Variants in REEP3 observed in about 807,000 individuals in gnomAD.
The protein encoded by REEP3 is receptor accessory protein 3, also known as receptor expression-enhancing protein 3.
In REEP3, 20 loss-of-function variants were observed where a neutral mutation model predicts 41.3. The observed-to-expected ratio is 0.48, with a 90% CI of 0.34 to 0.70. The LOEUF (loss-of-function observed/expected upper bound fraction) is 0.70. REEP3 is among the 30% of genes least tolerant of loss of function. The probability of loss-of-function intolerance (pLI) is 0.01; values close to 1 mark genes in which losing one functional copy is unlikely to be tolerated. For synonymous variants in REEP3, 104 were observed against 101.8 expected (o/e 1.02, Z -0.13); for missense variants, 271 against 308.8 (o/e 0.88, Z 0.92).
chr10:63,579,352 C>A (rs1405867987), intron 2 of REEP3, among the ~76,000 whole-genome samples: 1 of 152,124 alleles, frequency 6.6e-6, no homozygotes, highest in Non-Finnish European at 1.5e-5. Context: ...TTTCTAAAAA[C>A]AATTTCTGAT....
At chr10:63,588,650 G>C (rs926227659) in intron 2 of REEP3, among the ~76,000 whole-genome samples, 3 of 152,166 alleles carry the variant, frequency 2.0e-5, no homozygotes, top group African/African-American at 7.2e-5. Context: ...CAAAATAAAA[G>C]TCTTTGTCAT....
At chr10:63,544,028 T>C (rs2133353849) in intron 1 of REEP3, among the ~76,000 whole-genome samples, 1 of 152,332 alleles carries the variant, frequency 6.6e-6, no homozygotes, top group Admixed American at 6.5e-5. Context: ...AAAGGGTTCC[T>C]CACCTAGAGG....
intron 6 of REEP3, among the ~76,000 whole-genome samples, chr10:63,617,113 T>C (rs1956317899): frequency 6.6e-6 from 1 of 152,112 alleles, no homozygotes; most frequent in Admixed American, 6.5e-5. Flanking sequence ...CCCCAAGCCC[T>C]AGCTACTCTC....
At chr10:63,561,899 T>G (rs1589867660) in intron 1 of REEP3, among the ~76,000 whole-genome samples, 1 of 152,158 alleles carries the variant, frequency 6.6e-6, no homozygotes, top group East Asian at 1.9e-4. Flanking sequence ...CTAGATTGTA[T>G]GAGAATACAG....
chr10:63,556,626 G>GTTTGT lies in REEP3; in HGVS notation c.33-9710_33-9709insTGTTT, dbSNP rs367820586. On this transcript the variant is annotated intron_variant, in intron 1 of 7. Transcript: ENST00000373758. ...TTTCTGTTTGCTTGTTTTTTTTTTT[G>GTTTGT]TTGTTTTGTTTTTTTTTTTTTTTTT... 3.1e-4 allele frequency among the ~76,000 whole-genome samples: 27 copies of GTTTGT among 87,098 alleles called. 1 individual carries two copies. The East Asian group carries it at 8.1e-3, about 26-fold the overall frequency. 57.1% of individuals were successfully genotyped at this position (87,098 alleles called of 152,430 possible). A position where few individuals can be genotyped will look rare whatever the true frequency, so the allele number is the denominator to read the frequency against.
chr10:63,620,962 G>T lies in REEP3; in HGVS notation c.*93G>T, dbSNP rs1053313579. ...ATATTCAGGATTTACACATTAAAAT[G>T]ATTATTTAAATTGTGGCAGTGATGG... On this transcript the variant is annotated 3_prime_UTR_variant, in exon 8 of 8. Coordinates refer to ENST00000373758, the MANE Select transcript of REEP3 (RefSeq NM_001001330.3). 1.5e-5 allele frequency: 11 copies of T among 728,216 alleles called. No individual in the cohort carries two copies. Among genetic ancestry groups the T allele is most frequent in the Non-Finnish European group, 2.4e-5 (11 of 455,962 alleles). 45.1% of individuals were successfully genotyped at this position (728,216 alleles called of 1,614,324 possible).
intron 1 of REEP3, among the ~76,000 whole-genome samples, chr10:63,542,183 G>A (rs767263537): frequency 2.2e-4 from 33 of 151,650 alleles, no homozygotes; most frequent in Non-Finnish European, 3.1e-4. Context: ...AGGTTCAAGC[G>A]ATCCTCCTGC....
At chr10:63,532,160 T>C (rs1177987190) in intron 1 of REEP3, among the ~76,000 whole-genome samples, 1 of 152,216 alleles carries the variant, frequency 6.6e-6, no homozygotes, top group Non-Finnish European at 1.5e-5. Context: ...GTTATCACTA[T>C]GTTGCTTTTC....
chr10:63,541,600 T>G (rs537421497), intron 1 of REEP3, among the ~76,000 whole-genome samples: 12 of 152,298 alleles, frequency 7.9e-5, no homozygotes, highest in African/African-American at 2.9e-4. Context: ...CAGAAATTGA[T>G]GACCTTTGTT....
chr10:63,540,440 T>C (rs1955518416), intron 1 of REEP3, among the ~76,000 whole-genome samples: 1 of 152,216 alleles, frequency 6.6e-6, no homozygotes, highest in South Asian at 2.1e-4. Context: ...TCATGCCTTT[T>C]AATGTATCCA....
chr10:63,554,361 A>C (rs1955657583), intron 1 of REEP3, among the ~76,000 whole-genome samples: 1 of 152,184 alleles, frequency 6.6e-6, no homozygotes. Flanking sequence ...CAATCAGAAA[A>C]TGGGTCTCAG....
intron 6 of REEP3, among the ~76,000 whole-genome samples, chr10:63,618,456 C>T (rs1399536031): frequency 6.6e-6 from 1 of 151,552 alleles, no homozygotes; most frequent in African/African-American, 2.4e-5. Flanking sequence ...ACCATGTTAG[C>T]CAGGATGGTC....
chr10:63,558,742 C>CA (rs5785581), intron 1 of REEP3, among the ~76,000 whole-genome samples: 67,864 of 150,996 alleles, frequency 0.45, 15,738 homozygotes, highest in South Asian at 0.54. Context: ...GACTCTGTGT[C>CA]AAAAAAAATA....
chr10:63,579,045 G>GT lies in REEP3; in HGVS notation c.105+12635_105+12636insT, dbSNP rs914630770. ...TCTTCACTATGTGTTTTTTTTTGGG[G>GT]GGGGGGAGATGGAGTCTCTCTCTGT... On this transcript the variant is annotated intron_variant, in intron 2 of 7. Coordinates refer to ENST00000373758, the MANE Select transcript of REEP3 (RefSeq NM_001001330.3). Among the ~76,000 whole-genome samples, 80 of 147,558 alleles carry GT rather than the reference G, an allele frequency of 5.4e-4. No homozygotes were observed. In the East Asian group the frequency reaches 0.013, roughly 23 times the overall value.
At chr10:63,592,505 G>A (rs1956073766) in intron 2 of REEP3, among the ~76,000 whole-genome samples, 1 of 152,178 alleles carries the variant, frequency 6.6e-6, no homozygotes, top group Non-Finnish European at 1.5e-5. Flanking sequence ...ATCCCTGCTA[G>A]CTTAACAAAA....
intron 1 of REEP3, among the ~76,000 whole-genome samples, chr10:63,558,245 T>C (rs573969979): frequency 6.6e-6 from 1 of 152,132 alleles, no homozygotes; most frequent in Non-Finnish European, 1.5e-5. Flanking sequence ...GACAGATAGG[T>C]TTACCTAGCT....
intron 1 of REEP3, among the ~76,000 whole-genome samples, chr10:63,530,253 T>A (rs1955407922): frequency 6.6e-6 from 1 of 152,222 alleles, no homozygotes; most frequent in Non-Finnish European, 1.5e-5. Context: ...TTCCTTTATA[T>A]GTGCTTTAAA....
chr10:63,532,705 C>T (rs1460851153), intron 1 of REEP3, among the ~76,000 whole-genome samples: 1 of 151,172 alleles, frequency 6.6e-6, no homozygotes, highest in Non-Finnish European at 1.5e-5. Flanking sequence ...CCACACCAGC[C>T]TGGGCAACAT....
chr10:63,571,117 G>A (rs1192808286), intron 2 of REEP3, among the ~76,000 whole-genome samples: 2 of 152,170 alleles, frequency 1.3e-5, no homozygotes, highest in African/African-American at 2.4e-5. Flanking sequence ...AGACCATCGG[G>A]TGGGGTAGTG....
Sources: gnomAD v4.1 joint callset for allele counts (sites outside exome capture counted in the v4.1 genomes callset) on GRCh38, gnomAD v4.1.1 for gene constraint, MANE v1.5 for transcripts, NCBI Gene and HGNC (gene_info 2026-07-23, HGNC 2026-07-21) for gene names.